DOCK8: variants seen among roughly 807,000 people sequenced by gnomAD.
DOCK8 encodes dedicator of cytokinesis protein 8.
Under a neutral mutation model 245.6 loss-of-function variants are expected in DOCK8, and 141 were observed. The observed-to-expected ratio is 0.57, with a 90% CI of 0.50 to 0.66. The LOEUF (loss-of-function observed/expected upper bound fraction) is 0.66. Ranked by LOEUF, DOCK8 falls within the 30% of genes least tolerant of loss-of-function variation. The pLI is 0.00. For missense variants in DOCK8, 2,965 were observed against 2,603.4 expected (o/e 1.14, Z -3.02); for synonymous variants, 1,168 against 970.2 (o/e 1.20, Z -3.79).
chr9:367,509 C>T (rs1045885975), intron 14 of DOCK8, among the ~76,000 whole-genome samples: 11 of 146,538 alleles, frequency 7.5e-5, no homozygotes, highest in Non-Finnish European at 1.2e-4. Context: ...TTGTTGTTGT[C>T]GTTTACAGTA....
chr9:292,953 A>G (rs2049105951), intron 4 of DOCK8, among the ~76,000 whole-genome samples: 1 of 152,162 alleles, frequency 6.6e-6, no homozygotes. Flanking sequence ...TACAGAAGCA[A>G]TGGTTACCCA....
Position 370,280 on chromosome 9 carries a change from A to C in DOCK8, c.1848A>C (p.Thr616=). The C allele has an allele frequency of 1.2e-6, 2 of 1,614,112 alleles. No homozygotes were observed. The highest frequency in any genetic ancestry group is 1.7e-6 in the Non-Finnish European group (2 of 1,179,916). Residue 616 remains threonine, a synonymous_variant, in exon 16 of 48, where the codon ACA becomes ACC. Transcript: ENST00000432829. The stretch of plus-strand genomic sequence containing the variant: ...CTGAATTTCTGCAGGAAGTGTACAC[A>C]GCTGTTACATACCATAATAAGTAAG... ...SGPEFLQEVY[T]AVTYHNKSPD...
rs1394126010 is a variant in DOCK8 at position 443,316 on chromosome 9, GT to G, written c.5491-110del. The G allele has an allele frequency of 8.7e-6, 9 of 1,029,896 alleles. No individual in the cohort carries two copies. The East Asian group carries it at 2.1e-4, about 25-fold the overall frequency. The allele number at this position is 1,029,896 out of a possible 1,614,324, so 63.8% of individuals were successfully genotyped here. A position where few individuals can be genotyped will look rare whatever the true frequency, so the allele number is the denominator to read the frequency against. On this transcript the variant is annotated intron_variant, in intron 42 of 47. Transcript: ENST00000432829. ...AGCTCAGAGGAACTCTCAATAATCA[GT>G]GAACATCATTCTACCTTGCACTTGC...
chr9:375,170 C>G (rs896276840), intron 18 of DOCK8, among the ~76,000 whole-genome samples: 2 of 152,150 alleles, frequency 1.3e-5, no homozygotes, highest in Admixed American at 6.6e-5. Context: ...CTTTGGGCCC[C>G]AGCTTTTGAC....
intron 14 of DOCK8, among the ~76,000 whole-genome samples, chr9:356,390 C>A (rs2052446408): frequency 6.6e-6 from 1 of 151,988 alleles, no homozygotes; most frequent in Non-Finnish European, 1.5e-5. Context: ...ACTAGCCAGG[C>A]GTGGTAGCAG....
intron 44 of DOCK8, among the ~76,000 whole-genome samples, chr9:448,594 G>A (rs1008859374): frequency 6.6e-6 from 1 of 152,200 alleles, no homozygotes; most frequent in Non-Finnish European, 1.5e-5. Flanking sequence ...TCTGAGGGCT[G>A]TGAGGAAAGG....
At chr9:265,190 C>T (rs2048008879) in intron 1 of DOCK8, among the ~76,000 whole-genome samples, 1 of 152,178 alleles carries the variant, frequency 6.6e-6, no homozygotes, top group Admixed American at 6.5e-5. Context: ...CCTTGGCCTC[C>T]CAAAGTGCTG....
Position 400,292 on chromosome 9 carries a change from C to T in DOCK8, c.3234+1033C>T, listed in dbSNP as rs114300055. Reference sequence around the variant, plus strand: ...ACCATCACCACCACTTCCTTCACCACCACCACCATCTTCACCGTCACCACC... The same window carrying T: ...ACCATCACCACCACTTCCTTCACCATCACCACCATCTTCACCGTCACCACC... On this transcript the variant is annotated intron_variant, in intron 26 of 47. Transcript: ENST00000432829. Among the ~76,000 whole-genome samples the T allele has an allele frequency of 1.7e-3, 112 of 67,062 alleles. 7 individuals carry two copies. Among genetic ancestry groups the T allele is most frequent in the African/African-American group, 6.0e-3 (57 of 9,454 alleles). The allele number at this position is 67,062 out of a possible 152,430, so 44.0% of individuals were successfully genotyped here. A position where few individuals can be genotyped will look rare whatever the true frequency, so the allele number is the denominator to read the frequency against.
intron 39 of DOCK8, among the ~76,000 whole-genome samples, chr9:438,778 C>T (rs1388216077): frequency 6.6e-6 from 1 of 152,200 alleles, no homozygotes; most frequent in African/African-American, 2.4e-5. Flanking sequence ...AAGACAGCCT[C>T]GCTTGCTGTT....
intron 5 of DOCK8, among the ~76,000 whole-genome samples, chr9:311,299 A>T (rs931964501): frequency 4.7e-5 from 7 of 150,108 alleles, no homozygotes; most frequent in Non-Finnish European, 7.4e-5. Context: ...AAAAAAAAAA[A>T]GGTAATCATA....
At chr9:311,733 C>G (rs1314735385) in intron 5 of DOCK8, among the ~76,000 whole-genome samples, 1 of 152,182 alleles carries the variant, frequency 6.6e-6, no homozygotes, top group African/African-American at 2.4e-5. Flanking sequence ...AGATGAGTAA[C>G]TACCTGCTTC....
chr9:362,788 T>C (rs1249099033), intron 14 of DOCK8, among the ~76,000 whole-genome samples: 1 of 152,144 alleles, frequency 6.6e-6, no homozygotes, highest in Non-Finnish European at 1.5e-5. Context: ...ATTAACAGGG[T>C]CCGGTTTTTC....
chr9:392,125 C>G (rs1032381518), intron 24 of DOCK8, among the ~76,000 whole-genome samples: 1 of 134,982 alleles, frequency 7.4e-6, no homozygotes, highest in African/African-American at 2.8e-5. Context: ...GCAAAAAGAG[C>G]AAAACTCCAT....
chr9:246,132 T>C (rs573737447), intron 1 of DOCK8, among the ~76,000 whole-genome samples: 7 of 152,048 alleles, frequency 4.6e-5, no homozygotes, highest in East Asian at 3.9e-4. Context: ...GGTGGGAGGA[T>C]TGCTTGAGCC....
chr9:374,205 T>C (rs764766506), intron 18 of DOCK8, among the ~76,000 whole-genome samples: 5 of 152,086 alleles, frequency 3.3e-5, no homozygotes, highest in Non-Finnish European at 5.9e-5. Context: ...ACCCTTAGCC[T>C]CTCTTAGTAT....
At chr9:364,007 C>G (rs2052856397) in intron 14 of DOCK8, among the ~76,000 whole-genome samples, 1 of 152,134 alleles carries the variant, frequency 6.6e-6, no homozygotes, top group African/African-American at 2.4e-5. Context: ...ACACAGCATT[C>G]AAGAAAGATT....
At chr9:305,642 A>C (rs7875095) in intron 5 of DOCK8, among the ~76,000 whole-genome samples, 94,922 of 152,028 alleles carry the variant, frequency 0.62, 30,169 homozygotes, top group East Asian at 0.8. Context: ...AAGTGTACAT[A>C]TTGTGAAATG....
chr9:449,006 G>T (rs1426569082), intron 44 of DOCK8, among the ~76,000 whole-genome samples: 2 of 152,190 alleles, frequency 1.3e-5, no homozygotes, highest in Non-Finnish European at 2.9e-5. Context: ...TTATGATGGG[G>T]GAGAAAATCT....
intron 14 of DOCK8, among the ~76,000 whole-genome samples, chr9:363,894 G>C (rs1412956246): frequency 1.3e-5 from 2 of 152,180 alleles, no homozygotes; most frequent in African/African-American, 2.4e-5. Context: ...GACAAGTGTG[G>C]TGAGAGCAGT....
Sources: gnomAD v4.1 joint callset for allele counts (sites outside exome capture counted in the v4.1 genomes callset) on GRCh38, gnomAD v4.1.1 for gene constraint, MANE v1.5 for transcripts, NCBI Gene and HGNC (gene_info 2026-07-23, HGNC 2026-07-21) for gene names.